The following TRAPPC8 variants were observed in gnomAD, a reference collection of about 807,000 sequenced individuals.
TRAPPC8 encodes trafficking protein particle complex subunit 8.
Under a neutral mutation model 174.3 loss-of-function variants are expected in TRAPPC8, and 54 were observed. The observed-to-expected ratio is 0.31, with a 90% CI of 0.25 to 0.39. TRAPPC8 has a LOEUF of 0.39. Among genes scored for constraint, TRAPPC8 ranks in the 10% least tolerant of loss-of-function variants. The pLI, the probability that TRAPPC8 is intolerant of heterozygous loss-of-function variation, is 1.00. For missense variants in TRAPPC8, 1,531 were observed against 1,699.1 expected (o/e 0.90, Z 1.74); for synonymous variants, 630 against 579.9 (o/e 1.09, Z -1.24).
intron 1 of TRAPPC8, among the ~76,000 whole-genome samples, chr18:31,940,465 CCAAAAAA>C (rs1025611157): frequency 9.9e-5 from 15 of 152,068 alleles, no homozygotes; most frequent in South Asian, 8.3e-4. Context: ...GACTCCATCT[CCAAAAAA>C]CAAAAAACAA....
chr18:31,911,300 T>G (rs901981635), intron 5 of TRAPPC8, among the ~76,000 whole-genome samples: 2 of 152,032 alleles, frequency 1.3e-5, no homozygotes. Flanking sequence ...GTGGATCACT[T>G]GAGGTCAGGA....
chr18:31,891,580 C>T (rs1429018337), intron 11 of TRAPPC8, among the ~76,000 whole-genome samples: 1 of 152,094 alleles, frequency 6.6e-6, no homozygotes, highest in Non-Finnish European at 1.5e-5. Flanking sequence ...AATCTTTTGA[C>T]TGAAAGAGTC....
At chr18:31,933,377 C>G (rs72932147) in intron 1 of TRAPPC8, among the ~76,000 whole-genome samples, 9,823 of 151,770 alleles carry the variant, frequency 0.065, 349 homozygotes, top group Middle Eastern at 0.11. Flanking sequence ...TGATTTAAAT[C>G]CCAACCCATT....
chr18:31,910,576 G>A (rs1350898155), intron 5 of TRAPPC8, among the ~76,000 whole-genome samples: 1 of 152,188 alleles, frequency 6.6e-6, no homozygotes. Context: ...CAAAGGTCAA[G>A]AATTTTTTAT....
At chr18:31,885,386 T>A (rs28524484) in intron 12 of TRAPPC8, among the ~76,000 whole-genome samples, 6,129 of 152,104 alleles carry the variant, frequency 0.04, 347 homozygotes, top group African/African-American at 0.12. Flanking sequence ...AGTCAAACGA[T>A]CCTTTGACTA....
chr18:31,864,686 T>G lies in TRAPPC8; in HGVS notation c.2686A>C (p.Lys896Gln). 1 of 1,613,272 alleles carries G rather than the reference T, an allele frequency of 6.2e-7. No individual in the cohort carries two copies. Among genetic ancestry groups the G allele is most frequent in the South Asian group, 1.1e-5 (1 of 91,024 alleles). ...TCTAAACGTCGATCAGGGCCATATT[T>G]AACAGATGTTTTCTCTTCTTTTGTG... ...NNTKEEKTSV[K>Q]YGPDRRLDPI... Residue 896 changes from lysine to glutamine, a missense_variant, in exon 19 of 29, where the codon AAA (lysine) becomes CAA (glutamine). Transcript: ENST00000283351.
At chr18:31,922,370 A>G (rs1382484875) in intron 2 of TRAPPC8, among the ~76,000 whole-genome samples, 1 of 152,020 alleles carries the variant, frequency 6.6e-6, no homozygotes, top group Non-Finnish European at 1.5e-5. Context: ...AGGTGGAGGG[A>G]TCACTTGAGC....
rs772208860 is a variant in TRAPPC8 at position 31,916,456 on chromosome 18, CA to C, written c.443-11del. ...GACGCTACCAACATACCTTGTAAAC[CA>C]TATTATTAAGGTAATTATCGCTTAT... On this transcript the variant is annotated splice_polypyrimidine_tract_variant and intron_variant, in intron 3 of 28. Transcript: ENST00000283351. 6 of 1,599,120 alleles carry C rather than the reference CA, an allele frequency of 3.8e-6. No homozygotes were observed. In the Middle Eastern group the frequency reaches 5.0e-4, roughly 133 times the overall value.
chr18:31,917,453 T>C, intron 3 of TRAPPC8, 125 bp downstream of exon 3: 1 of 807,366 alleles, frequency 1.2e-6, no homozygotes, highest in Non-Finnish European at 2.0e-6. Flanking sequence ...CCGTGTATTG[T>C]CAATCTATAA....
At position 31,920,634 on chromosome 18, in the gene TRAPPC8, T is replaced by C. The variant is rs921510601; in HGVS notation, c.353-2967A>G. Among the ~76,000 whole-genome samples, 4 of 151,578 alleles carry C rather than the reference T, an allele frequency of 2.6e-5. 1 individual carries two copies. Among genetic ancestry groups the C allele is most frequent in the Non-Finnish European group, 5.9e-5 (4 of 67,878 alleles). The stretch of plus-strand genomic sequence containing the variant: ...AGGCAACATGGTGAAACCCCATCTC[T>C]ACTAAAAAAAAATACAAAAAAATGG... On this transcript the variant is annotated intron_variant, in intron 2 of 28. Transcript: ENST00000283351.
chr18:31,876,979 T>C (rs2035186557), intron 12 of TRAPPC8, among the ~76,000 whole-genome samples: 1 of 152,162 alleles, frequency 6.6e-6, no homozygotes, highest in Non-Finnish European at 1.5e-5. Flanking sequence ...ATCCCTAACA[T>C]ATTCACAACT....
intron 1 of TRAPPC8, among the ~76,000 whole-genome samples, chr18:31,941,178 C>T (rs1231288174): frequency 1.3e-5 from 2 of 152,252 alleles, no homozygotes; most frequent in Non-Finnish European, 2.9e-5. Flanking sequence ...CGCGGTGGCT[C>T]ACGCCCATAA....
intron 2 of TRAPPC8, among the ~76,000 whole-genome samples, chr18:31,930,512 T>C (rs994892050): frequency 3.3e-5 from 5 of 152,248 alleles, no homozygotes; most frequent in Non-Finnish European, 5.9e-5. Context: ...ATTAGACTGC[T>C]GAAATATGTT....
intron 9 of TRAPPC8, among the ~76,000 whole-genome samples, chr18:31,905,344 A>G (rs548177687): frequency 1.3e-5 from 2 of 152,310 alleles, no homozygotes; most frequent in East Asian, 3.9e-4. Context: ...GCTGCTGCAC[A>G]GAAAGGCGCT....
chr18:31,929,504 G>A (rs577439404), intron 2 of TRAPPC8, among the ~76,000 whole-genome samples: 1 of 152,168 alleles, frequency 6.6e-6, no homozygotes, highest in African/African-American at 2.4e-5. Context: ...TCCAGCCTGT[G>A]TGACAGAGAG....
chr18:31,940,302 C>T (rs1180563111), intron 1 of TRAPPC8, among the ~76,000 whole-genome samples: 2 of 151,670 alleles, frequency 1.3e-5, no homozygotes, highest in Admixed American at 6.6e-5. Context: ...TGGTGAAACC[C>T]TGTCTCTACT....
chr18:31,879,027 G>A (rs2035295295), intron 12 of TRAPPC8, among the ~76,000 whole-genome samples: 1 of 152,126 alleles, frequency 6.6e-6, no homozygotes. Context: ...CAGTAATACT[G>A]GGGGACTTCA....
intron 2 of TRAPPC8, among the ~76,000 whole-genome samples, chr18:31,929,735 A>G (rs1007952497): frequency 1.3e-5 from 2 of 152,196 alleles, no homozygotes; most frequent in Non-Finnish European, 2.9e-5. Context: ...TTAACTAATG[A>G]CTATGGTAGT....
intron 1 of TRAPPC8, among the ~76,000 whole-genome samples, chr18:31,933,477 T>C (rs888434173): frequency 2.6e-5 from 4 of 152,172 alleles, no homozygotes; most frequent in Non-Finnish European, 5.9e-5. Context: ...CTTCACGGGA[T>C]CATTTTAGTG....
Sources: allele counts gnomAD v4.1 joint callset (sites outside exome capture counted in the v4.1 genomes callset), GRCh38; gene constraint gnomAD v4.1.1; transcripts MANE v1.5; gene names NCBI Gene and HGNC (gene_info 2026-07-23, HGNC 2026-07-21).